PKHD1: variants seen among roughly 807,000 people sequenced by gnomAD.
The protein encoded by PKHD1 is fibrocystin.
PKHD1 carries 291 observed loss-of-function variants against 412.0 expected under a neutral mutation model. The ratio of observed to expected loss-of-function variants is 0.71; its 90% CI spans 0.64 to 0.78. The LOEUF (loss-of-function observed/expected upper bound fraction) is 0.78, where lower values mean the gene tolerates loss of function less well. Among genes scored for constraint, PKHD1 ranks in the 30% least tolerant of loss-of-function variants. The pLI is 0.00. For missense variants in PKHD1, 4,825 were observed against 4,950.7 expected (o/e 0.97, Z 0.76); for synonymous variants, 1,777 against 1,821.5 (o/e 0.98, Z 0.62).
intron 60 of PKHD1, among the ~76,000 whole-genome samples, chr6:51,696,613 A>G (rs1332749219): frequency 6.6e-6 from 1 of 152,194 alleles, no homozygotes; most frequent in African/African-American, 2.4e-5. Context: ...GAAAGAGACA[A>G]AGCAAATGGA....
At chr6:51,684,672 T>G (rs1208416812) in intron 60 of PKHD1, among the ~76,000 whole-genome samples, 1 of 152,142 alleles carries the variant, frequency 6.6e-6, no homozygotes, top group African/African-American at 2.4e-5. Context: ...AGCTTAAAAC[T>G]GATTTAGAAG....
chr6:51,708,120 T>C (rs1315353619), intron 60 of PKHD1, among the ~76,000 whole-genome samples: 1 of 152,178 alleles, frequency 6.6e-6, no homozygotes, highest in Non-Finnish European at 1.5e-5. Flanking sequence ...TCAATATGTC[T>C]AAAACTGAAT....
chr6:51,807,960 T>TG (rs1384973038), intron 52 of PKHD1, among the ~76,000 whole-genome samples: 2 of 151,956 alleles, frequency 1.3e-5, no homozygotes, highest in African/African-American at 2.4e-5. Flanking sequence ...GGGGTTTCTT[T>TG]GGGGGGTAAT....
intron 43 of PKHD1, among the ~76,000 whole-genome samples, chr6:51,894,268 A>G (rs1200009425): frequency 6.6e-6 from 1 of 152,152 alleles, no homozygotes; most frequent in South Asian, 2.1e-4. Flanking sequence ...GCAAACGCCT[A>G]TTTAAGAAAT....
chr6:52,069,559 A>C (rs758143999), intron 10 of PKHD1, 32 bp from the exon 11 acceptor site: 1 of 1,560,716 alleles, frequency 6.4e-7, no homozygotes, highest in Non-Finnish European at 8.8e-7. Flanking sequence ...GTTTTGAATG[A>C]AAATATCAAC....
chr6:51,673,499 T>G (rs1205623025), intron 60 of PKHD1, among the ~76,000 whole-genome samples: 1 of 152,244 alleles, frequency 6.6e-6, no homozygotes, highest in Non-Finnish European at 1.5e-5. Flanking sequence ...TAAATAGCAA[T>G]TGCCGGTTCT....
rs771015680 is a variant in PKHD1, at chr6:51,748,459, A to C, written c.9157T>G (p.Leu3053Val). The change falls in exon 58 of 67, where the codon TTA (leucine) becomes GTA (valine). Residue 3053 changes from leucine to valine, a missense_variant. Leu to Val is a conservative substitution (Grantham distance 32). Transcript: ENST00000371117. ...GTGACAGTATAGGCCTGACCCTCTAAATCTATGCCATGGCCAGCTGTGCCA... is the reference window on the plus strand; with the variant it reads ...GTGACAGTATAGGCCTGACCCTCTACATCTATGCCATGGCCAGCTGTGCCA... ...VFGTAGHGID[L>V]EGQAYTVTNN... The C allele has an allele frequency of 2.5e-6, 4 of 1,614,008 alleles. No homozygotes were observed. In the South Asian group the frequency reaches 3.3e-5, roughly 13 times the overall value.
In PKHD1 at chr6:51,722,034, A is replaced by G. The variant is rs568267341; in HGVS notation, c.10156+22351T>C. The G allele has an allele frequency of 5.6e-6, 9 of 1,613,348 alleles. 1 individual carries two copies. In the East Asian group the frequency reaches 1.8e-4, roughly 32 times the overall value. ...GCTCAGTGGTTACTGAAGTAAACAG[A>G]AGTACTTTAGTCAGACATTGAAGGC... On this transcript the variant is annotated intron_variant, in intron 60 of 66. Coordinates refer to ENST00000371117, the MANE Select transcript of PKHD1 (RefSeq NM_138694.4).
Position 51,616,922 on chromosome 6 carries a change from T to C in PKHD1, c.*2159A>G, listed in dbSNP as rs1258786256. ...TCATGACTGACTTCTAGATTTCTGG[T>C]CTGAGTGCAGTGATGTCATTCATTG... On this transcript the variant is annotated 3_prime_UTR_variant, in exon 67 of 67. Transcript: ENST00000371117. 1 of 377,052 alleles carries C rather than the reference T, an allele frequency of 2.7e-6. No homozygotes were observed. Among genetic ancestry groups the C allele is most frequent in the Non-Finnish European group, 4.7e-6 (1 of 212,802 alleles). The allele number at this position is 377,052 out of a possible 1,614,324, so 23.4% of individuals were successfully genotyped here. A position where few individuals can be genotyped will look rare whatever the true frequency, so the allele number is the denominator to read the frequency against.
At chr6:51,678,288 G>A (rs963366998) in intron 60 of PKHD1, among the ~76,000 whole-genome samples, 2 of 152,100 alleles carry the variant, frequency 1.3e-5, no homozygotes, top group Non-Finnish European at 2.9e-5. Flanking sequence ...TAATTCATAA[G>A]CTGATGGAGA....
intron 53 of PKHD1, among the ~76,000 whole-genome samples, chr6:51,779,156 A>C (rs1791562144): frequency 6.6e-6 from 1 of 152,172 alleles, no homozygotes; most frequent in Non-Finnish European, 1.5e-5. Flanking sequence ...GGCAACATTT[A>C]AAAACACCTT....
intron 60 of PKHD1, among the ~76,000 whole-genome samples, chr6:51,736,285 T>C (rs80260451): frequency 0.01 from 1,542 of 152,310 alleles, 11 homozygotes; most frequent in Middle Eastern, 0.02. Context: ...CTTTTATAGA[T>C]CACACATGAA....
intron 35 of PKHD1, among the ~76,000 whole-genome samples, chr6:51,966,192 A>C (rs1562006403): frequency 6.6e-6 from 1 of 152,148 alleles, no homozygotes; most frequent in African/African-American, 2.4e-5. Context: ...CATGTGCCCA[A>C]GGTGGTTGGG....
intron 21 of PKHD1, among the ~76,000 whole-genome samples, chr6:52,051,125 G>T (rs967241048): frequency 1.1e-4 from 16 of 152,124 alleles, no homozygotes; most frequent in African/African-American, 3.9e-4. Context: ...TGCTCAGCTG[G>T]GTAGATCAGT....
chr6:51,641,951 G>A (rs892509125), intron 63 of PKHD1, among the ~76,000 whole-genome samples: 3 of 152,126 alleles, frequency 2.0e-5, no homozygotes, highest in Middle Eastern at 3.4e-3. Flanking sequence ...TGTAGATGAC[G>A]GGTTGATGGG....
intron 43 of PKHD1, among the ~76,000 whole-genome samples, chr6:51,896,152 G>A (rs1779930549): frequency 2.6e-5 from 4 of 152,186 alleles, no homozygotes; most frequent in Non-Finnish European, 5.9e-5. Context: ...AGCTCGAACT[G>A]GGTGGAGCCC....
At chr6:51,783,869 G>A (rs1188007403) in intron 53 of PKHD1, among the ~76,000 whole-genome samples, 1 of 151,868 alleles carries the variant, frequency 6.6e-6, no homozygotes, top group Admixed American at 6.6e-5. Flanking sequence ...TTCACATAGG[G>A]GATAAATATA....
chr6:51,832,385 G>A (rs1768412785), intron 51 of PKHD1, among the ~76,000 whole-genome samples: 1 of 152,054 alleles, frequency 6.6e-6, no homozygotes, highest in Admixed American at 6.6e-5. Context: ...GCAAAAATTG[G>A]GAAGTCAAGT....
In PKHD1 at chr6:51,748,628, G is replaced by A. The variant is rs576108391; in HGVS notation, c.8988C>T (p.Phe2996=). The A allele has an allele frequency of 2.6e-5, 42 of 1,613,716 alleles. No individual in the cohort carries two copies. The highest frequency in any genetic ancestry group is 1.7e-4 in the Middle Eastern group (1 of 6,054). Residue 2996 remains phenylalanine, a synonymous_variant, in exon 58 of 67, where the codon TTC becomes TTT. Coordinates refer to ENST00000371117, the MANE Select transcript of PKHD1 (RefSeq NM_138694.4). ...LQLLNVEIQN[F]GSPLYSSVEF... ...CAACAGATGAGTACAATGGTGACCC[G>A]AAGTTCTGAATTTCCACATTAAGAA...
Sources: allele counts gnomAD v4.1 joint callset (sites outside exome capture counted in the v4.1 genomes callset), GRCh38; gene constraint gnomAD v4.1.1; transcripts MANE v1.5; gene names NCBI Gene and HGNC (gene_info 2026-07-23, HGNC 2026-07-21).